The following ERP44 variants were observed in gnomAD, a reference collection of about 807,000 sequenced individuals.
ERP44 encodes endoplasmic reticulum resident protein 44.
Under a neutral mutation model 53.4 loss-of-function variants are expected in ERP44, and 25 were observed. The ratio of observed to expected loss-of-function variants is 0.47; its 90% CI spans 0.34 to 0.65. The LOEUF (loss-of-function observed/expected upper bound fraction) is 0.65. Ranked by LOEUF, ERP44 falls within the 30% of genes least tolerant of loss-of-function variation. The pLI is 0.01. For missense variants in ERP44, 338 were observed against 493.2 expected, an observed-to-expected ratio of 0.69 and a Z score of 2.98; for synonymous variants, 145 against 161.2, an observed-to-expected ratio of 0.90 and a Z score of 0.76.
chr9:100,016,976 T>C (rs1830531535), intron 7 of ERP44, among the ~76,000 whole-genome samples: 1 of 152,202 alleles, frequency 6.6e-6, no homozygotes, highest in African/African-American at 2.4e-5. Flanking sequence ...ATGAATTAAT[T>C]TAGCTATTCC....
intron 8 of ERP44, 87 bp downstream of exon 8, chr9:100,016,233 ACT>A: frequency 6.7e-7 from 1 of 1,497,588 alleles, no homozygotes; most frequent in East Asian, 2.4e-5. Flanking sequence ...ACAATTCATA[ACT>A]CTGTTAACAT....
intron 2 of ERP44, among the ~76,000 whole-genome samples, chr9:100,059,587 T>C (rs1445126804): frequency 6.6e-6 from 1 of 152,080 alleles, no homozygotes; most frequent in Non-Finnish European, 1.5e-5. Flanking sequence ...ACTTGGAAGG[T>C]TGAGGAAAGA....
At chr9:100,052,186 C>G (rs187259115) in intron 4 of ERP44, among the ~76,000 whole-genome samples, 6 of 151,848 alleles carry the variant, frequency 4.0e-5, no homozygotes, top group Admixed American at 2.0e-4. Context: ...AACAAAAAAA[C>G]CTTCACACAA....
rs201483239 is a variant in ERP44 at position 100,094,213 on chromosome 9, TA to T, written c.57+4570del. Among the ~76,000 whole-genome samples, 1,060 of 150,960 alleles carry T rather than the reference TA, an allele frequency of 7.0e-3. 9 individuals carry two copies. The highest frequency in any genetic ancestry group is 0.014 in the Middle Eastern group (4 of 292). On this transcript the variant is annotated intron_variant, in intron 1 of 11. Coordinates refer to ENST00000262455, the MANE Select transcript of ERP44 (RefSeq NM_015051.3). ...GCATCTCTAGAATAAAATTTTAAGTTAAAAAAAAGGTGGGGGAAAAGTGTGA... is the reference window on the plus strand; with the variant it reads ...GCATCTCTAGAATAAAATTTTAAGTTAAAAAAAGGTGGGGGAAAAGTGTGA...
chr9:100,051,713 T>G (rs1269493550), intron 4 of ERP44, among the ~76,000 whole-genome samples: 1 of 152,034 alleles, frequency 6.6e-6, no homozygotes, highest in Admixed American at 6.6e-5. Flanking sequence ...AGAGGAAAGT[T>G]CAAGTATAAT....
chr9:100,035,323 C>T (rs780091537), intron 4 of ERP44, among the ~76,000 whole-genome samples: 9 of 152,102 alleles, frequency 5.9e-5, no homozygotes, highest in Admixed American at 2.6e-4. Flanking sequence ...GCAAATGATG[C>T]ACTCAACAAA....
intron 1 of ERP44, among the ~76,000 whole-genome samples, chr9:100,060,485 C>T (rs990021519): frequency 6.6e-6 from 1 of 152,088 alleles, no homozygotes; most frequent in Non-Finnish European, 1.5e-5. Context: ...CTTTATAGCA[C>T]CACAAGAAAA....
intron 4 of ERP44, among the ~76,000 whole-genome samples, chr9:100,023,393 G>T (rs1391056086): frequency 2.8e-5 from 4 of 140,666 alleles, no homozygotes; most frequent in Admixed American, 7.1e-5. Context: ...AATAACCTGA[G>T]AAATCATAAA....
At chr9:100,036,318 T>C (rs1825848337) in intron 4 of ERP44, among the ~76,000 whole-genome samples, 1 of 152,176 alleles carries the variant, frequency 6.6e-6, no homozygotes, top group South Asian at 2.1e-4. Context: ...GCCACATATA[T>C]AAGAATGAAA....
At chr9:100,060,241 A>C (rs1295270125) in intron 1 of ERP44, 69 bp from the exon 2 acceptor site, 4 of 1,331,262 alleles carry the variant, frequency 3.0e-6, no homozygotes, top group African/African-American at 3.1e-5. Flanking sequence ...AGCGAAGTCT[A>C]AAAATAAATG....
At chr9:100,066,037 A>C (rs925841925) in intron 1 of ERP44, among the ~76,000 whole-genome samples, 1 of 152,232 alleles carries the variant, frequency 6.6e-6, no homozygotes, top group African/African-American at 2.4e-5. Context: ...AATAGAGAAT[A>C]CTAGGCCCCA....
At chr9:100,067,219 C>T (rs1300085333) in intron 1 of ERP44, among the ~76,000 whole-genome samples, 2 of 152,178 alleles carry the variant, frequency 1.3e-5, no homozygotes, top group Admixed American at 6.5e-5. Flanking sequence ...CCTCTCTTTC[C>T]ACAGTCTCCC....
At chr9:100,061,383 G>T (rs562728030) in intron 1 of ERP44, among the ~76,000 whole-genome samples, 1 of 151,570 alleles carries the variant, frequency 6.6e-6, no homozygotes, top group Admixed American at 6.6e-5. Context: ...GGTGGAGGTT[G>T]CAGTGAGCTG....
chr9:100,054,352 AT>A (rs1826068349), intron 3 of ERP44, among the ~76,000 whole-genome samples: 1 of 152,180 alleles, frequency 6.6e-6, no homozygotes, highest in African/African-American at 2.4e-5. Flanking sequence ...GTAGGGGCTG[AT>A]TAATGGTTTC....
chr9:100,055,436 G>T (rs1234430413), intron 3 of ERP44, among the ~76,000 whole-genome samples: 4 of 152,172 alleles, frequency 2.6e-5, no homozygotes, highest in African/African-American at 7.2e-5. Context: ...GCAACCGTGT[G>T]ATCTCAGCTC....
chr9:99,999,924 C>A, intron 10 of ERP44, among the ~76,000 whole-genome samples: 1 of 152,136 alleles, frequency 6.6e-6, no homozygotes, highest in East Asian at 1.9e-4. Context: ...CTTTTTCCAG[C>A]ACCATTTATT....
intron 10 of ERP44, among the ~76,000 whole-genome samples, chr9:99,988,670 TG>T (rs902906939): frequency 2.0e-5 from 3 of 152,158 alleles, no homozygotes; most frequent in African/African-American, 4.8e-5. Context: ...TTCATCTCAC[TG>T]GGACTGGTTG....
At chr9:100,036,719 T>C (rs1001400726) in intron 4 of ERP44, among the ~76,000 whole-genome samples, 2 of 152,116 alleles carry the variant, frequency 1.3e-5, no homozygotes, top group South Asian at 2.1e-4. Flanking sequence ...TAAATGGAAC[T>C]AGAGGACATT....
chr9:100,098,857 G>A lies in ERP44; in HGVS notation c.-17C>T, dbSNP rs779794659. The A allele has an allele frequency of 1.9e-5, 31 of 1,611,462 alleles. No homozygotes were observed. The highest frequency in any genetic ancestry group is 2.7e-5 in the African/African-American group (2 of 74,860). ...AGGATGCATGGTAACGCTGGGGTCC[G>A]TGACAGGGACAGGCGCTGGCGGCTG... On this transcript the variant is annotated 5_prime_UTR_variant, in exon 1 of 12. The change creates a new upstream start codon in the 5' untranslated region. Transcript: ENST00000262455.
Sources: gnomAD v4.1 joint callset for allele counts (sites outside exome capture counted in the v4.1 genomes callset) on GRCh38, gnomAD v4.1.1 for gene constraint, MANE v1.5 for transcripts, NCBI Gene and HGNC (gene_info 2026-07-23, HGNC 2026-07-21) for gene names.